ROR2: variants seen among roughly 807,000 people sequenced by gnomAD.
The protein encoded by ROR2 is ROR family WNT receptor 2, also known as tyrosine-protein kinase transmembrane receptor ROR2.
Under a neutral mutation model 74.9 loss-of-function variants are expected in ROR2, and 33 were observed. The ratio of observed to expected loss-of-function variants is 0.44; its 90% CI spans 0.33 to 0.59. The LOEUF (loss-of-function observed/expected upper bound fraction) is 0.59, where lower values mean the gene tolerates loss of function less well. Ranked by LOEUF, ROR2 falls within the 20% of genes least tolerant of loss-of-function variation. The pLI, the probability that ROR2 is intolerant of heterozygous loss-of-function variation, is 0.02. For synonymous variants in ROR2, 586 were observed against 558.7 expected (o/e 1.05, Z -0.69); for missense variants, 1,216 against 1,313.8 (o/e 0.93, Z 1.15).
rs267607016 is a variant in ROR2 at position 91,726,603 on chromosome 9, G to A, written c.1324C>T (p.Arg442Ter). The A allele has an allele frequency of 5.6e-6, 9 of 1,613,656 alleles. No individual in the cohort carries two copies. The highest frequency in any genetic ancestry group is 1.3e-5 in the African/African-American group (1 of 74,868). ...QKASASTPQR[R>*]QLMASPSQDM... ...TGGCTGGGCGAGGCCATCAGCTGTCGCCGCTGCGGTGTGGACGCAGATGCC... is the reference window on the plus strand; with the variant it reads ...TGGCTGGGCGAGGCCATCAGCTGTCACCGCTGCGGTGTGGACGCAGATGCC... Residue 442 changes from arginine to a stop codon, truncating the protein, a stop_gained, in exon 8 of 9, where the codon CGA becomes TGA. Coordinates refer to ENST00000375708, the MANE Select transcript of ROR2 (RefSeq NM_004560.4). LOFTEE classifies it high-confidence loss of function.
intron 7 of ROR2, among the ~76,000 whole-genome samples, chr9:91,730,130 A>G (rs1490963752): frequency 6.6e-6 from 1 of 152,044 alleles, no homozygotes; most frequent in African/African-American, 2.4e-5. Context: ...TTTTGTAGAG[A>G]CGGGTTTTTG....
intron 5 of ROR2, 131 bp downstream of exon 5, chr9:91,737,260 C>A: frequency 8.3e-7 from 1 of 1,208,906 alleles, no homozygotes; most frequent in Non-Finnish European, 1.2e-6. Flanking sequence ...TCTCTGGTTT[C>A]TACCACAAAT....
At chr9:91,881,158 A>C (rs1294183782) in intron 1 of ROR2, among the ~76,000 whole-genome samples, 2 of 152,168 alleles carry the variant, frequency 1.3e-5, no homozygotes, top group East Asian at 3.8e-4. Context: ...ACTTGGAAAA[A>C]CTGAAAAAAT....
intron 7 of ROR2, among the ~76,000 whole-genome samples, chr9:91,730,207 T>C (rs1271655467): frequency 6.6e-6 from 1 of 152,162 alleles, no homozygotes; most frequent in Non-Finnish European, 1.5e-5. Flanking sequence ...CCTCCCAAAG[T>C]ACTGGGATTA....
At chr9:91,841,817 G>A (rs1439710498) in intron 1 of ROR2, among the ~76,000 whole-genome samples, 1 of 152,192 alleles carries the variant, frequency 6.6e-6, no homozygotes, top group Non-Finnish European at 1.5e-5. Flanking sequence ...CCTCTTCTTA[G>A]ACTGTTTCTT....
chr9:91,938,670 A>G (rs1385902849), intron 1 of ROR2, among the ~76,000 whole-genome samples: 4 of 152,218 alleles, frequency 2.6e-5, no homozygotes, highest in African/African-American at 7.2e-5. Flanking sequence ...CTCCACAGAA[A>G]TGAGAGCAGG....
At chr9:91,851,215 G>A (rs11789408) in intron 1 of ROR2, among the ~76,000 whole-genome samples, 6,215 of 152,102 alleles carry the variant, frequency 0.041, 181 homozygotes, top group East Asian at 0.098. Flanking sequence ...AGCCAGGTAT[G>A]GTAGCACATG....
In ROR2 at chr9:91,724,945, G is replaced by A. The variant is rs760112842; in HGVS notation, c.1549C>T (p.Leu517=). ...KTLKDKAEGP[L]REEFRHEAML... Reference sequence around the variant, plus strand: ...GCCTCATGCCGGAACTCCTCCCGCAGGGGCCCCTCCGCTTTGTCCTTCAGC... The same window carrying A: ...GCCTCATGCCGGAACTCCTCCCGCAAGGGCCCCTCCGCTTTGTCCTTCAGC... Residue 517 remains leucine (L), a synonymous_variant, in exon 9 of 9, where the codon CTG becomes TTG. Transcript: ENST00000375708. The A allele has an allele frequency of 2.9e-5, 46 of 1,613,068 alleles. No individual in the cohort carries two copies. Among genetic ancestry groups the A allele is most frequent in the Non-Finnish European group, 3.1e-5 (36 of 1,179,634 alleles).
chr9:91,799,994 CT>C (rs1827319720), intron 1 of ROR2, among the ~76,000 whole-genome samples: 1 of 152,218 alleles, frequency 6.6e-6, no homozygotes, highest in Non-Finnish European at 1.5e-5. Context: ...CCTTACTTTC[CT>C]TTTTTGTGAC....
chr9:91,778,394 A>T (rs1304360443), intron 1 of ROR2, among the ~76,000 whole-genome samples: 1 of 152,124 alleles, frequency 6.6e-6, no homozygotes, highest in Non-Finnish European at 1.5e-5. Flanking sequence ...GCCCTGCAAC[A>T]TCTCCTCGGT....
chr9:91,918,667 T>C (rs1831195800), intron 1 of ROR2, among the ~76,000 whole-genome samples: 1 of 152,222 alleles, frequency 6.6e-6, no homozygotes, highest in East Asian at 1.9e-4. Context: ...ATTCTGTGAA[T>C]ATCTTAAAAA....
intron 1 of ROR2, among the ~76,000 whole-genome samples, chr9:91,921,740 G>A (rs1306556491): frequency 2.0e-5 from 3 of 151,898 alleles, no homozygotes; most frequent in Non-Finnish European, 4.4e-5. Context: ...GCGCACGCCT[G>A]TAGTCGCAGC....
chr9:91,901,084 C>A (rs984010273), intron 1 of ROR2, among the ~76,000 whole-genome samples: 3 of 152,184 alleles, frequency 2.0e-5, no homozygotes, highest in African/African-American at 7.2e-5. Flanking sequence ...CCCCTCCACT[C>A]CACCATCCTT....
chr9:91,818,941 G>T (rs1453642034), intron 1 of ROR2, among the ~76,000 whole-genome samples: 1 of 152,162 alleles, frequency 6.6e-6, no homozygotes, highest in Non-Finnish European at 1.5e-5. Flanking sequence ...TCTTCTGCAG[G>T]TCATGCTATT....
At chr9:91,758,784 T>A (rs1190587096) in intron 2 of ROR2, among the ~76,000 whole-genome samples, 3 of 152,148 alleles carry the variant, frequency 2.0e-5, no homozygotes, top group Non-Finnish European at 2.9e-5. Context: ...TGTGTGTGAG[T>A]ATGCATGTGT....
chr9:91,795,003 T>C (rs1039478546), intron 1 of ROR2, among the ~76,000 whole-genome samples: 2 of 150,802 alleles, frequency 1.3e-5, no homozygotes, highest in Admixed American at 6.6e-5. Context: ...GCGCCTGTAA[T>C]CCCAGCTACT....
chr9:91,858,675 A>G (rs1701475063), intron 1 of ROR2, among the ~76,000 whole-genome samples: 1 of 152,252 alleles, frequency 6.6e-6, no homozygotes, highest in South Asian at 2.1e-4. Flanking sequence ...GCTTAAGGAC[A>G]CATTTTGTGT....
At chr9:91,824,092 G>A (rs530889473) in intron 1 of ROR2, among the ~76,000 whole-genome samples, 1 of 152,316 alleles carries the variant, frequency 6.6e-6, no homozygotes, top group East Asian at 1.9e-4. Context: ...AATTTCATGT[G>A]CCGACGATAG....
At chr9:91,811,354 G>T (rs569807323) in intron 1 of ROR2, among the ~76,000 whole-genome samples, 1 of 152,244 alleles carries the variant, frequency 6.6e-6, no homozygotes, top group East Asian at 1.9e-4. Flanking sequence ...CATTCGGCCC[G>T]TGTGGAAAGC....
Sources: gnomAD v4.1 joint callset for allele counts (sites outside exome capture counted in the v4.1 genomes callset) on GRCh38, gnomAD v4.1.1 for gene constraint, MANE v1.5 for transcripts, NCBI Gene and HGNC (gene_info 2026-07-23, HGNC 2026-07-21) for gene names.